Variants in TUBA1C observed in about 807,000 individuals in gnomAD.
TUBA1C encodes the protein tubulin alpha 1c, also known as tubulin alpha-1C chain.
A neutral mutation model predicts 34.9 loss-of-function variants in TUBA1C; 16 were observed. That is an observed-to-expected ratio of 0.46 (90% CI 0.31 to 0.70). TUBA1C has a LOEUF of 0.70. TUBA1C is among the 30% of genes least tolerant of loss of function. TUBA1C has a pLI of 0.05. For missense variants in TUBA1C, 329 were observed against 587.3 expected (o/e 0.56, Z 4.55); for synonymous variants, 177 against 215.9 (o/e 0.82, Z 1.58).
intron 3 of TUBA1C, 110 bp downstream of exon 3, chr12:49,270,086 TA>T (rs1942971565): frequency 1.3e-6 from 2 of 1,588,212 alleles, no homozygotes; most frequent in Non-Finnish European, 1.7e-6. Context: ...GCATTGCAAC[TA>T]AAATGTATCT....
intron 1 of TUBA1C, among the ~76,000 whole-genome samples, chr12:49,231,423 G>A (rs1405288587): frequency 2.6e-5 from 4 of 152,122 alleles, no homozygotes; most frequent in Non-Finnish European, 5.9e-5. Context: ...TCCCACCTCA[G>A]CCTCCCAAAG....
At chr12:49,250,321 G>A (rs1205969564) in intron 1 of TUBA1C, among the ~76,000 whole-genome samples, 1 of 151,792 alleles carries the variant, frequency 6.6e-6, no homozygotes, top group Admixed American at 6.6e-5. Context: ...TCAGGAAATC[G>A]AGACCATCCT....
chr12:49,261,648 T>G (rs768369276), upstream of TUBA1C, among the ~76,000 whole-genome samples: 1 of 152,226 alleles, frequency 6.6e-6, no homozygotes, highest in Non-Finnish European at 1.5e-5. Context: ...CCTACATCAT[T>G]AATTGTATCA....
At chr12:49,228,696 T>TA (rs1942464167) in intron 1 of TUBA1C, among the ~76,000 whole-genome samples, 1 of 152,206 alleles carries the variant, frequency 6.6e-6, no homozygotes, top group Non-Finnish European at 1.5e-5. Context: ...TAGTGTGGGA[T>TA]ACTCAGACAT....
chr12:49,267,416 T>C (rs1464819655), intron 1 of TUBA1C, among the ~76,000 whole-genome samples: 2 of 152,108 alleles, frequency 1.3e-5, no homozygotes, highest in African/African-American at 2.4e-5. Flanking sequence ...CCCAGCACTT[T>C]GGGAGGCCGA....
At chr12:49,248,775 G>A (rs997829128) in intron 1 of TUBA1C, among the ~76,000 whole-genome samples, 1 of 151,016 alleles carries the variant, frequency 6.6e-6, no homozygotes, top group Non-Finnish European at 1.5e-5. Flanking sequence ...GGCTGAGGCA[G>A]GAGAATGGCG....
At chr12:49,228,831 G>A (rs1372464374) in intron 1 of TUBA1C, among the ~76,000 whole-genome samples, 5 of 152,212 alleles carry the variant, frequency 3.3e-5, no homozygotes, top group Middle Eastern at 3.4e-3. Context: ...TTTCCTATGC[G>A]TTATCTCATT....
At chr12:49,269,063 G>A (rs996737668) in intron 1 of TUBA1C, among the ~76,000 whole-genome samples, 1 of 152,070 alleles carries the variant, frequency 6.6e-6, no homozygotes, top group Non-Finnish European at 1.5e-5. Flanking sequence ...GCTGAAAGAT[G>A]GTTATCTTTT....
chr12:49,238,109 C>T (rs1199658890), intron 1 of TUBA1C, among the ~76,000 whole-genome samples: 1 of 103,754 alleles, frequency 9.6e-6, no homozygotes, highest in African/African-American at 3.4e-5. Flanking sequence ...GATTCCGCCT[C>T]AAAAAAAAAA....
chr12:49,269,199 A>G (rs980355030), intron 1 of TUBA1C, among the ~76,000 whole-genome samples: 5 of 152,140 alleles, frequency 3.3e-5, no homozygotes, highest in African/African-American at 1.2e-4. Flanking sequence ...AGCTGGGACT[A>G]CAGGTGTGCG....
chr12:49,256,641 C>A, intron 1 of TUBA1C: 1 of 237,782 alleles, frequency 4.2e-6, no homozygotes, highest in South Asian at 4.6e-5. Flanking sequence ...TCCATTGGAA[C>A]AAAATATGCT....
At position 49,272,511 on chromosome 12, in the gene TUBA1C, A is replaced by G. The variant is rs376776166; in HGVS notation, c.634A>G (p.Ile212Val). Residue 212 changes from isoleucine (I) to valine (V), a missense_variant, in exon 4 of 4, where the codon ATC (isoleucine) becomes GTC (valine). Ile to Val is a conservative substitution (Grantham distance 29, BLOSUM62 3). Coordinates refer to ENST00000301072, the MANE Select transcript of TUBA1C (RefSeq NM_032704.5). ...GGTAGACAATGAGGCCATCTATGAC[A>G]TCTGTCGTAGAAACCTCGATATCGA... is the stretch of plus-strand genomic sequence containing the variant. ...FMVDNEAIYDICRRNLDIERP... is the reference protein window; with the variant it reads ...FMVDNEAIYDVCRRNLDIERP... 1.9e-6 allele frequency: 3 copies of G among 1,609,456 alleles called. No homozygotes were observed. The highest frequency in any genetic ancestry group is 2.5e-6 in the Non-Finnish European group (3 of 1,178,068).
rs539659279 is a variant in TUBA1C at position 49,250,022 on chromosome 12, AC to A, written c.214-19439del. ...GACCAGCCTGGCCCAACGTGGTGAA[AC>A]CCCATCTCTACTAAAAATACAAAAA... On this transcript the variant is annotated intron_variant, in intron 1 of 3. Coordinates refer to the TUBA1C transcript ENST00000541364. Among the ~76,000 whole-genome samples the A allele has an allele frequency of 2.7e-4, 40 of 150,808 alleles. No homozygotes were observed. The East Asian group carries it at 7.8e-3, about 29-fold the overall frequency.
chr12:49,235,253 TAAA>T (rs36089997), intron 1 of TUBA1C, among the ~76,000 whole-genome samples: 2 of 147,370 alleles, frequency 1.4e-5, no homozygotes, highest in African/African-American at 5.0e-5. Context: ...TTAGAATGCT[TAAA>T]AAAAAAAAAA....
intron 3 of TUBA1C, among the ~76,000 whole-genome samples, chr12:49,271,081 G>C (rs1422087666): frequency 6.6e-6 from 1 of 152,170 alleles, no homozygotes; most frequent in Non-Finnish European, 1.5e-5. Context: ...TAGCTATTTA[G>C]GGTTCTGGAA....
chr12:49,234,756 G>T (rs1942533962), intron 1 of TUBA1C, among the ~76,000 whole-genome samples: 1 of 152,270 alleles, frequency 6.6e-6, no homozygotes, highest in African/African-American at 2.4e-5. Flanking sequence ...CTGAACTCTT[G>T]TGACAATTAA....
chr12:49,263,015 G>C (rs568186098), upstream of TUBA1C, among the ~76,000 whole-genome samples: 2 of 145,030 alleles, frequency 1.4e-5, no homozygotes, highest in African/African-American at 5.1e-5. Context: ...AAGTACAAGA[G>C]AATTACTCTT....
intron 3 of TUBA1C, among the ~76,000 whole-genome samples, chr12:49,270,842 G>A (rs561617456): frequency 3.9e-5 from 6 of 152,264 alleles, no homozygotes; most frequent in East Asian, 3.9e-4. Flanking sequence ...AGCCGGGCGT[G>A]GTGGTGGGCG....
intron 1 of TUBA1C, among the ~76,000 whole-genome samples, chr12:49,252,240 T>C (rs1942738605): frequency 6.6e-6 from 1 of 152,216 alleles, no homozygotes; most frequent in African/African-American, 2.4e-5. Flanking sequence ...TATCTATCTA[T>C]AAATTTTATT....
Sources: gnomAD v4.1 joint callset for allele counts (sites outside exome capture counted in the v4.1 genomes callset) on GRCh38, gnomAD v4.1.1 for gene constraint, MANE v1.5 for transcripts, NCBI Gene and HGNC (gene_info 2026-07-23, HGNC 2026-07-21) for gene names.